DGKI: variants seen among roughly 807,000 people sequenced by gnomAD.
The protein encoded by DGKI is diacylglycerol kinase iota, also known as DAG kinase iota.
A neutral mutation model predicts 147.5 loss-of-function variants in DGKI; 55 were observed. The ratio of observed to expected loss-of-function variants is 0.37; its 90% confidence interval spans 0.30 to 0.47. The LOEUF (loss-of-function observed/expected upper bound fraction) is 0.47, where lower values mean the gene tolerates loss of function less well. Among genes scored for constraint, DGKI ranks in the 20% least tolerant of loss-of-function variants. The probability of loss-of-function intolerance (pLI) is 1.00; values close to 1 mark genes in which losing one functional copy is unlikely to be tolerated. For synonymous variants in DGKI, 469 were observed against 477.1 expected (o/e 0.98, Z 0.22); for missense variants, 1,007 against 1,323.8 (o/e 0.76, Z 3.71).
At chr7:137,684,932 C>T (rs775609810) in intron 2 of DGKI, among the ~76,000 whole-genome samples, 2 of 152,090 alleles carry the variant, frequency 1.3e-5, no homozygotes, top group Admixed American at 6.5e-5. Flanking sequence ...CGGACGAGCA[C>T]GCACGCACAA....
At chr7:137,741,076 G>A (rs868581948) in intron 1 of DGKI, among the ~76,000 whole-genome samples, 3 of 152,134 alleles carry the variant, frequency 2.0e-5, no homozygotes, top group Admixed American at 6.6e-5. Flanking sequence ...GTGCTTGTCC[G>A]AGAGTGATGG....
At chr7:137,490,080 C>T (rs961540767) in intron 21 of DGKI, among the ~76,000 whole-genome samples, 1 of 152,046 alleles carries the variant, frequency 6.6e-6, no homozygotes, top group Non-Finnish European at 1.5e-5. Flanking sequence ...TTTGATTGAG[C>T]AATACTTAGC....
intron 1 of DGKI, among the ~76,000 whole-genome samples, chr7:137,762,541 T>C (rs1406011938): frequency 1.3e-5 from 2 of 152,252 alleles, no homozygotes. Flanking sequence ...TTTTCCATGT[T>C]GTCTCACACC....
At chr7:137,499,846 C>T (rs1159442176) in intron 21 of DGKI, among the ~76,000 whole-genome samples, 1 of 152,116 alleles carries the variant, frequency 6.6e-6, no homozygotes, top group Non-Finnish European at 1.5e-5. Context: ...TGTTACATAT[C>T]TACATATCCA....
intron 28 of DGKI, among the ~76,000 whole-genome samples, chr7:137,422,165 T>C (rs1207904161): frequency 6.6e-6 from 1 of 152,184 alleles, no homozygotes; most frequent in African/African-American, 2.4e-5. Context: ...ACTTCGTGGG[T>C]GAATTAATTT....
At chr7:137,657,679 T>C (rs1015303466) in intron 3 of DGKI, among the ~76,000 whole-genome samples, 3 of 152,230 alleles carry the variant, frequency 2.0e-5, no homozygotes, top group Non-Finnish European at 4.4e-5. Context: ...CCTGAGTTCC[T>C]GTCCTCTTAG....
chr7:137,722,637 C>T, intron 1 of DGKI: 2 of 1,590,546 alleles, frequency 1.3e-6, no homozygotes, highest in Non-Finnish European at 1.7e-6. Flanking sequence ...ATGCTTACTT[C>T]AAGAAGAAGA....
chr7:137,466,425 T>C (rs1390334925), intron 25 of DGKI, among the ~76,000 whole-genome samples: 2 of 152,248 alleles, frequency 1.3e-5, no homozygotes, highest in Non-Finnish European at 2.9e-5. Flanking sequence ...GGTTCAATAC[T>C]GTACATTTTT....
intron 21 of DGKI, among the ~76,000 whole-genome samples, chr7:137,492,976 C>T (rs1484021332): frequency 6.6e-6 from 1 of 152,212 alleles, no homozygotes; most frequent in Admixed American, 6.5e-5. Flanking sequence ...ACCACTGCAG[C>T]ATCCTCTGTA....
At position 137,609,075 on chromosome 7, in the gene DGKI, C is replaced by T; in HGVS notation, c.1069-11G>A. On this transcript the variant is annotated splice_polypyrimidine_tract_variant and intron_variant, in intron 9 of 32. Coordinates refer to ENST00000614521, the MANE Select transcript of DGKI (RefSeq NM_001321708.2). ...ACCTTTGTTTTCCTGCTGAAAGAAG[C>T]AATCAGCACTGTTAGGATACACATC... The T allele has an allele frequency of 1.9e-6, 3 of 1,606,240 alleles. No homozygotes were observed. In the South Asian group the frequency reaches 3.3e-5, roughly 18 times the overall value.
intron 19 of DGKI, among the ~76,000 whole-genome samples, chr7:137,569,728 C>CAAAAAAAAAAAAAAAAAA (rs60719355): frequency 1.2e-4 from 8 of 64,612 alleles, no homozygotes; most frequent in South Asian, 5.2e-4. Context: ...GACTCTGTCT[C>CAAAAAAAAAAAAAAAAAA]AAAAAAAAAA....
chr7:137,587,161 G>C lies in DGKI; in HGVS notation c.1361C>G (p.Pro454Arg). Reference sequence around the variant, plus strand: ...CCCCAGAGGAAGGACCCCCACAGGAGGCTGAGGGCTCAGCTGCAGTTCATC... The same window carrying C: ...CCCCAGAGGAAGGACCCCCACAGGACGCTGAGGGCTCAGCTGCAGTTCATC... ...ILDELQLSPQ[P>R]PVGVLPLGTG... Residue 454 changes from proline (P) to arginine (R), a missense_variant, in exon 13 of 33, where the codon CCT becomes CGT. Transcript: ENST00000614521. 1 of 1,613,294 alleles carries C rather than the reference G, an allele frequency of 6.2e-7. No individual in the cohort carries two copies. Among genetic ancestry groups the C allele is most frequent in the Non-Finnish European group, 8.5e-7 (1 of 1,179,708 alleles).
At chr7:137,648,647 C>T (rs144478634) in intron 5 of DGKI, among the ~76,000 whole-genome samples, 1 of 152,260 alleles carries the variant, frequency 6.6e-6, no homozygotes, top group East Asian at 1.9e-4. Context: ...AAGATTTCGT[C>T]GTGCTACTCA....
In DGKI at chr7:137,846,658, T is replaced by C. The variant is rs915023161; in HGVS notation, c.205A>G (p.Ser69Gly). The stretch of plus-strand genomic sequence containing the variant: ...CCGGCGCCGCTTCCGCTGCTGCTGC[T>C]GCCGCCCGTCGCCCCTTTCTCCTCT... ...AGEEKGATGG[S>G]SSSGSGAGSC... Residue 69 changes from serine to glycine, a missense_variant, in exon 1 of 33, where the codon AGC (serine) becomes GGC (glycine). By Grantham distance (56) the Ser-to-Gly change is moderately conservative. Transcript: ENST00000614521. The surrounding 1 kb of genome is among the most constrained non-coding windows in gnomAD (Gnocchi z 4.0). 58 of 1,070,498 alleles carry C rather than the reference T, an allele frequency of 5.4e-5. No homozygotes were observed. In the African/African-American group the frequency reaches 9.4e-4, roughly 17 times the overall value. The allele number at this position is 1,070,498 out of a possible 1,614,324, so 66.3% of individuals were successfully genotyped here.
At chr7:137,433,944 A>G (rs1618183) in intron 28 of DGKI, among the ~76,000 whole-genome samples, 1 of 151,720 alleles carries the variant, frequency 6.6e-6, no homozygotes, top group Non-Finnish European at 1.5e-5. Flanking sequence ...ATGGTGAAAC[A>G]TCATCTCTAG....
chr7:137,599,797 A>G, intron 11 of DGKI, 26 bp downstream of exon 11: 1 of 1,605,964 alleles, frequency 6.2e-7, no homozygotes, highest in East Asian at 2.2e-5. Context: ...ATACATATGG[A>G]CCATGGAGAA....
intron 1 of DGKI, among the ~76,000 whole-genome samples, chr7:137,707,850 T>G (rs542505348): frequency 2.0e-5 from 3 of 152,210 alleles, no homozygotes; most frequent in Non-Finnish European, 4.4e-5. Flanking sequence ...CTGACCAAGA[T>G]CTTGTTAGAT....
chr7:137,564,200 T>C (rs1395788422), intron 19 of DGKI, among the ~76,000 whole-genome samples: 3 of 152,214 alleles, frequency 2.0e-5, no homozygotes, highest in Non-Finnish European at 4.4e-5. Context: ...AATGAATATG[T>C]ATCTTACACA....
Position 137,385,367 on chromosome 7 carries a change from C to T in DGKI, c.*5853G>A, listed in dbSNP as rs1018475354. On this transcript the variant is annotated 3_prime_UTR_variant, in exon 33 of 33. Transcript: ENST00000614521. ...TTTTCATGAGTTTTTAAAATAAAATCCTGCCATTCAACAAAGCCATTAAAA... is the reference window on the plus strand; with the variant it reads ...TTTTCATGAGTTTTTAAAATAAAATTCTGCCATTCAACAAAGCCATTAAAA... 1 of 152,074 alleles carries T rather than the reference C, an allele frequency of 6.6e-6. No individual in the cohort carries two copies. Among genetic ancestry groups the T allele is most frequent in the South Asian group, 2.1e-4 (1 of 4,812 alleles). 9.4% of individuals were successfully genotyped at this position (152,074 alleles called of 1,614,324 possible). A position where few individuals can be genotyped will look rare whatever the true frequency, so the allele number is the denominator to read the frequency against.
Sources: allele counts gnomAD v4.1 joint callset (sites outside exome capture counted in the v4.1 genomes callset), GRCh38; gene constraint gnomAD v4.1.1; non-coding constraint Gnocchi (gnomAD v3.1); transcripts MANE v1.5; gene names NCBI Gene and HGNC (gene_info 2026-07-23, HGNC 2026-07-21).